Variants in APBB2 observed in about 807,000 individuals in gnomAD.
APBB2 encodes the protein amyloid beta precursor protein binding family B member 2, also known as Fe65-like 1.
Under a neutral mutation model 82.5 loss-of-function variants are expected in APBB2, and 38 were observed. The ratio of observed to expected loss-of-function variants is 0.46; its 90% confidence interval spans 0.36 to 0.60. The LOEUF is 0.60. Among genes scored for constraint, APBB2 ranks in the 20% least tolerant of loss-of-function variants. APBB2 has a pLI of 0.00. For missense variants in APBB2, 772 were observed against 972.3 expected (o/e 0.79, Z 2.74); for synonymous variants, 341 against 368.2 (o/e 0.93, Z 0.85).
At chr4:40,951,197 T>C (rs1200993240) in intron 6 of APBB2, among the ~76,000 whole-genome samples, 2 of 152,214 alleles carry the variant, frequency 1.3e-5, no homozygotes, top group Non-Finnish European at 2.9e-5. Context: ...ATTTCTTCAC[T>C]GGGCTGGCAG....
chr4:40,856,980 C>A, intron 12 of APBB2: 4 of 985,556 alleles, frequency 4.1e-6, no homozygotes, highest in Non-Finnish European at 4.8e-6. Flanking sequence ...TCCCCCTGAA[C>A]GCACCTGCAA....
intron 12 of APBB2, among the ~76,000 whole-genome samples, chr4:40,885,335 G>A (rs527275452): frequency 1.4e-4 from 22 of 152,292 alleles, no homozygotes; most frequent in Admixed American, 2.0e-4. Flanking sequence ...AAAATTAAGC[G>A]GGGAAGGGAA....
At chr4:40,880,288 A>C (rs1320021936) in intron 12 of APBB2, 1 of 985,312 alleles carries the variant, frequency 1.0e-6, no homozygotes, top group African/African-American at 1.7e-5. Flanking sequence ...TGATGTTCTC[A>C]AATTCTTCTT....
intron 6 of APBB2, among the ~76,000 whole-genome samples, chr4:40,951,032 T>C (rs1002548383): frequency 6.6e-6 from 1 of 152,156 alleles, no homozygotes; most frequent in African/African-American, 2.4e-5. Context: ...CTCAACTACA[T>C]TGCTTAGGCA....
intron 6 of APBB2, among the ~76,000 whole-genome samples, chr4:40,946,655 G>A (rs939518292): frequency 7.9e-5 from 12 of 151,980 alleles, no homozygotes; most frequent in Admixed American, 6.6e-4. Flanking sequence ...GGTAATAAGG[G>A]AATCACAGGC....
At chr4:40,960,149 G>C (rs557071228) in intron 6 of APBB2, among the ~76,000 whole-genome samples, 3 of 152,228 alleles carry the variant, frequency 2.0e-5, no homozygotes, top group African/African-American at 7.2e-5. Context: ...TTAGACTATG[G>C]ATGGGGAGGA....
chr4:40,994,593 T>A (rs933831086), intron 6 of APBB2, among the ~76,000 whole-genome samples: 2 of 151,624 alleles, frequency 1.3e-5, no homozygotes, highest in Non-Finnish European at 2.9e-5. Context: ...GTGGGCAGGA[T>A]CATGAGGTCA....
intron 10 of APBB2, among the ~76,000 whole-genome samples, chr4:40,902,032 G>A (rs1391980788): frequency 6.6e-6 from 1 of 151,698 alleles, no homozygotes; most frequent in African/African-American, 2.4e-5. Context: ...TCATTGATAG[G>A]TTCTTGAAAA....
intron 2 of APBB2, among the ~76,000 whole-genome samples, chr4:41,133,859 TG>T (rs751402507): frequency 6.6e-5 from 10 of 152,198 alleles, no homozygotes; most frequent in Non-Finnish European, 1.3e-4. Context: ...TCTAAGCAGC[TG>T]CTTAGGAGTA....
chr4:40,881,568 C>G lies in APBB2; in HGVS notation c.1529+8796G>C, dbSNP rs150828056. On this transcript the variant is annotated intron_variant, in intron 12 of 17. Coordinates refer to ENST00000508593, the MANE Select transcript of APBB2 (RefSeq NM_004307.2). Reference sequence around the variant, plus strand: ...TTTTTTTTTGATACAGACTCTCGCTCTGTCACCGAGGCTGGAATGCAGCAG... The same window carrying G: ...TTTTTTTTTGATACAGACTCTCGCTGTGTCACCGAGGCTGGAATGCAGCAG... 3.7e-3 allele frequency among the ~76,000 whole-genome samples: 474 copies of G among 126,714 alleles called. 5 individuals carry two copies. The highest frequency in any genetic ancestry group is 0.013 in the African/African-American group (443 of 33,170). 83.1% of individuals were successfully genotyped at this position (126,714 alleles called of 152,430 possible).
chr4:40,937,560 A>G (rs1785691441), intron 7 of APBB2, among the ~76,000 whole-genome samples: 1 of 152,212 alleles, frequency 6.6e-6, no homozygotes, highest in Non-Finnish European at 1.5e-5. Context: ...CTGTATAGTG[A>G]TTTTACAAAA....
At chr4:41,189,060 GGTAA>G (rs1260488324) in intron 1 of APBB2, among the ~76,000 whole-genome samples, 1 of 152,144 alleles carries the variant, frequency 6.6e-6, no homozygotes, top group Non-Finnish European at 1.5e-5. Flanking sequence ...AGAAATGCCT[GGTAA>G]GTGTCTACCA....
intron 4 of APBB2, among the ~76,000 whole-genome samples, chr4:41,056,608 T>C (rs921896209): frequency 1.3e-5 from 2 of 152,234 alleles, no homozygotes; most frequent in African/African-American, 4.8e-5. Flanking sequence ...GAGGGCAATA[T>C]GTAACTCTTC....
At chr4:40,925,221 T>C (rs1782319927) in intron 10 of APBB2, among the ~76,000 whole-genome samples, 1 of 152,244 alleles carries the variant, frequency 6.6e-6, no homozygotes, top group Non-Finnish European at 1.5e-5. Flanking sequence ...CCATTCCTTC[T>C]GGTAGTAGGA....
At chr4:41,143,480 A>G (rs932185641) in intron 1 of APBB2, among the ~76,000 whole-genome samples, 2 of 152,222 alleles carry the variant, frequency 1.3e-5, no homozygotes, top group African/African-American at 4.8e-5. Flanking sequence ...AAACCACAGG[A>G]ATGTTCTGGC....
intron 5 of APBB2, among the ~76,000 whole-genome samples, chr4:41,016,586 G>A (rs896922517): frequency 6.6e-6 from 1 of 152,180 alleles, no homozygotes; most frequent in African/African-American, 2.4e-5. Context: ...GGGAGGTAGA[G>A]GTTGCAGTGA....
At chr4:41,077,288 G>T (rs567047479) in intron 3 of APBB2, among the ~76,000 whole-genome samples, 2 of 150,554 alleles carry the variant, frequency 1.3e-5, no homozygotes, top group South Asian at 4.2e-4. Context: ...TGGGATTACA[G>T]GTGTAAGCCC....
At chr4:40,982,297 G>GAAAGAAA in intron 6 of APBB2, among the ~76,000 whole-genome samples, 1 of 21,716 alleles carries the variant, frequency 4.6e-5, no homozygotes, top group Non-Finnish European at 9.4e-5. Flanking sequence ...AAGGAAGGAA[G>GAAAGAAA]GAAGGAAGGA....
chr4:41,148,595 G>A (rs1179928712), intron 1 of APBB2, among the ~76,000 whole-genome samples: 1 of 152,204 alleles, frequency 6.6e-6, no homozygotes, highest in Non-Finnish European at 1.5e-5. Flanking sequence ...GACTCTAAGG[G>A]AAGCTGTGAT....
Sources: allele counts gnomAD v4.1 joint callset (sites outside exome capture counted in the v4.1 genomes callset), GRCh38; gene constraint gnomAD v4.1.1; transcripts MANE v1.5; gene names NCBI Gene and HGNC (gene_info 2026-07-23, HGNC 2026-07-21).